Variants in SHQ1 observed in about 807,000 individuals in gnomAD.
SHQ1 encodes the protein protein SHQ1 homolog.
A neutral mutation model predicts 53.8 loss-of-function variants in SHQ1; 49 were observed. The observed-to-expected ratio is 0.91, with a 90% CI of 0.72 to 1.16. SHQ1 has a LOEUF of 1.16. Ranked by LOEUF, SHQ1 falls within the 50% of genes most tolerant of loss-of-function variation. SHQ1 has a pLI of 0.00. For missense variants in SHQ1, 738 were observed against 683.1 expected (o/e 1.08, Z -0.90); for synonymous variants, 243 against 251.0 (o/e 0.97, Z 0.30).
intron 9 of SHQ1, among the ~76,000 whole-genome samples, chr3:72,801,548 C>T (rs1706789101): frequency 1.3e-5 from 2 of 152,110 alleles, no homozygotes; most frequent in Admixed American, 1.3e-4. Flanking sequence ...CAAACCTAAA[C>T]CTAATCCTAC....
intron 1 of SHQ1, among the ~76,000 whole-genome samples, chr3:72,847,325 C>G (rs1219806205): frequency 6.6e-6 from 1 of 152,108 alleles, no homozygotes; most frequent in African/African-American, 2.4e-5. Context: ...TAGGATGCAG[C>G]TACACTTCAG....
At chr3:72,773,399 G>A (rs1366088639) in intron 10 of SHQ1, 2 of 450,240 alleles carry the variant, frequency 4.4e-6, no homozygotes, top group African/African-American at 4.1e-5. Context: ...CTATCTCACA[G>A]TAGCAGTGGT....
the SHQ1 span, among the ~76,000 whole-genome samples, chr3:72,733,235 T>C: frequency 6.6e-6 from 1 of 151,470 alleles, no homozygotes; most frequent in Admixed American, 6.6e-5. Context: ...GGGACATCTC[T>C]CCCTTCCTTC....
At chr3:72,775,998 G>A (rs1031132214) in intron 10 of SHQ1, among the ~76,000 whole-genome samples, 5 of 152,002 alleles carry the variant, frequency 3.3e-5, no homozygotes, top group Admixed American at 6.5e-5. Flanking sequence ...ATATCTATTC[G>A]GGATTGTACT....
chr3:72,747,989 G>A, downstream of SHQ1, among the ~76,000 whole-genome samples: 1 of 150,230 alleles, frequency 6.7e-6, no homozygotes, highest in African/African-American at 2.4e-5. Flanking sequence ...ACTGTCTCAA[G>A]GAAAAAAAAA....
chr3:72,727,568 T>C, the SHQ1 span, among the ~76,000 whole-genome samples: 2 of 152,220 alleles, frequency 1.3e-5, no homozygotes, highest in African/African-American at 2.4e-5. Context: ...GTCCTGAGGT[T>C]TCCTGGGATG....
chr3:72,844,201 C>A (rs1358180698), intron 2 of SHQ1, among the ~76,000 whole-genome samples, 158 bp downstream of exon 2: 1 of 152,090 alleles, frequency 6.6e-6, no homozygotes, highest in African/African-American at 2.4e-5. Flanking sequence ...TGGGGAACAT[C>A]AATAACAGGC....
At chr3:72,783,009 A>T (rs1008571433) in intron 10 of SHQ1, among the ~76,000 whole-genome samples, 37 of 152,152 alleles carry the variant, frequency 2.4e-4, no homozygotes, top group Admixed American at 2.4e-3. Flanking sequence ...TCCTCCAAAG[A>T]GCTTTGAGGT....
At chr3:72,725,807 G>C in the SHQ1 span, among the ~76,000 whole-genome samples, 6 of 152,068 alleles carry the variant, frequency 3.9e-5, no homozygotes, top group Non-Finnish European at 7.4e-5. Context: ...CTCAGTATTT[G>C]TTTTACTGCT....
At chr3:72,841,827 A>G (rs952654287) in intron 3 of SHQ1, among the ~76,000 whole-genome samples, 1 of 152,184 alleles carries the variant, frequency 6.6e-6, no homozygotes, top group Non-Finnish European at 1.5e-5. Context: ...AGTTCACAGT[A>G]AGTTCATGCT....
At chr3:72,741,745 C>A in the SHQ1 span, among the ~76,000 whole-genome samples, 2 of 151,958 alleles carry the variant, frequency 1.3e-5, no homozygotes, top group Non-Finnish European at 2.9e-5. Flanking sequence ...TGCAGTTGGC[C>A]CTCCGTATCC....
At chr3:72,738,272 C>T in the SHQ1 span, among the ~76,000 whole-genome samples, 5 of 152,162 alleles carry the variant, frequency 3.3e-5, no homozygotes, top group Non-Finnish European at 7.3e-5. Context: ...GATCACTTGC[C>T]TGCCCCTGCT....
Position 72,812,835 on chromosome 3 carries a change from T to G in SHQ1, c.937-41A>C, listed in dbSNP as rs753985784. On this transcript the variant is annotated intron_variant, in intron 8 of 10. Transcript: ENST00000325599. ...TTAATAAGCAGTCATTTCCACAAAA[T>G]GTTACACAAACAAAAGTACACAATG... is the stretch of plus-strand genomic sequence containing the variant. The G allele has an allele frequency of 3.7e-6, 6 of 1,611,394 alleles. No homozygotes were observed. In the African/African-American group the frequency reaches 8.0e-5, roughly 22 times the overall value.
chr3:72,848,013 G>C (rs1411039250), intron 1 of SHQ1, among the ~76,000 whole-genome samples, 185 bp downstream of exon 1: 6 of 152,114 alleles, frequency 3.9e-5, no homozygotes, highest in Non-Finnish European at 7.3e-5. Context: ...AGAAGGAAAA[G>C]GGCTTCCGCA....
chr3:72,770,566 G>C (rs1198830469), intron 10 of SHQ1, among the ~76,000 whole-genome samples: 1 of 152,102 alleles, frequency 6.6e-6, no homozygotes, highest in East Asian at 1.9e-4. Flanking sequence ...AATAAACTAA[G>C]AATGATAAGG....
At chr3:72,843,756 C>T (rs909434589) in intron 2 of SHQ1, among the ~76,000 whole-genome samples, 4 of 149,032 alleles carry the variant, frequency 2.7e-5, no homozygotes, top group Middle Eastern at 3.4e-3. Flanking sequence ...CCCCCCCATA[C>T]CCTACCCTTA....
At chr3:72,762,112 TATAC>T (rs1344566195) in intron 10 of SHQ1, among the ~76,000 whole-genome samples, 1 of 152,132 alleles carries the variant, frequency 6.6e-6, no homozygotes, top group Non-Finnish European at 1.5e-5. Flanking sequence ...CACACATGCC[TATAC>T]ATACATCTGC....
chr3:72,815,441 G>A, intron 7 of SHQ1, 38 bp from the exon 8 acceptor site: 1 of 1,531,784 alleles, frequency 6.5e-7, no homozygotes, highest in Admixed American at 1.7e-5. Context: ...CATCACATTA[G>A]AGGTGAAGTC....
intron 10 of SHQ1, among the ~76,000 whole-genome samples, chr3:72,774,410 A>G (rs1423168115): frequency 6.7e-6 from 1 of 148,608 alleles, no homozygotes; most frequent in Non-Finnish European, 1.5e-5. Flanking sequence ...AATAAAACCA[A>G]AAGTGTATGA....
Sources: allele counts gnomAD v4.1 joint callset (sites outside exome capture counted in the v4.1 genomes callset), GRCh38; gene constraint gnomAD v4.1.1; transcripts MANE v1.5; gene names NCBI Gene and HGNC (gene_info 2026-07-23, HGNC 2026-07-21).